The following KCNC4 variants were observed in gnomAD, a reference collection of about 807,000 sequenced individuals.
The protein encoded by KCNC4 is voltage-gated potassium channel KCNC4.
A neutral mutation model predicts 42.8 loss-of-function variants in KCNC4; 23 were observed. The ratio of observed to expected loss-of-function variants is 0.54; its 90% confidence interval spans 0.39 to 0.76. The LOEUF is 0.76. KCNC4 is among the 30% of genes least tolerant of loss of function. The pLI is 0.00. For synonymous variants in KCNC4, 422 were observed against 393.5 expected, an observed-to-expected ratio of 1.07 and a Z score of -0.86; for missense variants, 751 against 898.2, an observed-to-expected ratio of 0.84 and a Z score of 2.10.
exon 4 of KCNC4, chr1:110,245,404 T>G (rs1326374762): frequency 6.6e-6 from 1 of 152,244 alleles, no homozygotes; most frequent in Non-Finnish European, 1.5e-5. Flanking sequence ...TGGGCTTCAG[T>G]ATTCTCTGCT....
chr1:110,264,355 G>A (rs1304801219), intron 1 of KCNC4, among the ~76,000 whole-genome samples: 2 of 152,134 alleles, frequency 1.3e-5, no homozygotes, highest in Non-Finnish European at 2.9e-5. Context: ...GATTGGTTAA[G>A]GAGGCTTTGT....
At chr1:110,228,804 G>C (rs1199107619) in intron 3 of KCNC4, 1 of 152,732 alleles carries the variant, frequency 6.5e-6, no homozygotes, top group Admixed American at 6.5e-5. Context: ...GCAGGGGGGA[G>C]CAGTCAGGAC....
exon 4 of KCNC4, chr1:110,248,578 T>A (rs958187557): frequency 6.6e-6 from 1 of 152,254 alleles, no homozygotes; most frequent in African/African-American, 2.4e-5. Context: ...GGCGTGCCTT[T>A]TAAATCCCAG....
At chr1:110,240,490 T>A (rs1297320324) in exon 4 of KCNC4, 3 of 152,326 alleles carry the variant, frequency 2.0e-5, no homozygotes, top group African/African-American at 7.2e-5. Context: ...AGTGATCAAA[T>A]GTTCATAGCA....
rs543899505 is a variant in KCNC4, at chr1:110,210,793, C to T, written c.-707C>T. Among the ~76,000 whole-genome samples the T allele has an allele frequency of 6.6e-6, 1 of 151,904 alleles. No homozygotes were observed. Among genetic ancestry groups the T allele is most frequent in the African/African-American group, 2.4e-5 (1 of 41,400 alleles). On this transcript the variant is annotated 5_prime_UTR_variant, in exon 1 of 4. The change creates a premature stop within an existing upstream ORF in the 5' untranslated region. Transcript: ENST00000438661. ...CGCTCCTGCGGGCGCGCTTGTTTTC[C>T]AGCTGCCGCCTCGCCCTGCGCAGCC...
At chr1:110,220,452 T>C (rs1366293176) in intron 1 of KCNC4, 4 of 149,974 alleles carry the variant, frequency 2.7e-5, no homozygotes, top group Non-Finnish European at 5.9e-5. Flanking sequence ...TATGAGAGGA[T>C]GGCCGGGGCC....
At position 110,223,956 on chromosome 1, in the gene KCNC4, T is replaced by G. The variant is rs1250295075; in HGVS notation, c.1615+56T>G. ...TTTTCCCCCAGTGGCCTAGGGAGTT[T>G]CCAAATGGACCTCAGACCTTGGGAT... On this transcript the variant is annotated intron_variant, in intron 2 of 3. Transcript: ENST00000438661. This position sits in a 1 kb window ranked among gnomAD's most constrained non-coding sequence, Gnocchi z 7.5. The G allele has an allele frequency of 1.5e-6, 2 of 1,348,710 alleles. No individual in the cohort carries two copies. The highest frequency in any genetic ancestry group is 2.0e-6 in the Non-Finnish European group (2 of 979,430). The allele number at this position is 1,348,710 out of a possible 1,614,324, so 83.5% of individuals were successfully genotyped here. A position where few individuals can be genotyped will look rare whatever the true frequency, so the allele number is the denominator to read the frequency against.
At chr1:110,247,899 C>A (rs1453036329) in exon 4 of KCNC4, 1 of 152,188 alleles carries the variant, frequency 6.6e-6, no homozygotes, top group African/African-American at 2.4e-5. Context: ...GAATGTTTCG[C>A]CCCTTAGCCA....
chr1:110,279,529 T>C (rs1659785715), intron 1 of KCNC4, among the ~76,000 whole-genome samples: 1 of 152,178 alleles, frequency 6.6e-6, no homozygotes, highest in South Asian at 2.1e-4. Context: ...AAAATTGGAA[T>C]GGACTCCAAT....
At chr1:110,255,584 A>G (rs1468424690) in intron 1 of KCNC4, among the ~76,000 whole-genome samples, 1 of 152,204 alleles carries the variant, frequency 6.6e-6, no homozygotes, top group Non-Finnish European at 1.5e-5. Context: ...GCAAATCAGT[A>G]TTCTGCTACT....
chr1:110,278,315 CA>C (rs1225199036), intron 1 of KCNC4, among the ~76,000 whole-genome samples: 2 of 152,236 alleles, frequency 1.3e-5, no homozygotes, highest in East Asian at 1.9e-4. Context: ...TGATATGAGT[CA>C]ATGGTTTTGA....
In KCNC4 at chr1:110,211,168, G is replaced by C. The variant is rs929264350; in HGVS notation, c.-332G>C. ...GTCTTTGGTCGGGGTGAAGGCGGGG[G>C]CGTGTCCCCGGCCCAGAGCGTTTGT... On this transcript the variant is annotated 5_prime_UTR_variant, in exon 1 of 4. Transcript: ENST00000438661. This position sits in a 1 kb window ranked among gnomAD's most constrained non-coding sequence, Gnocchi z 6.5. Among the ~76,000 whole-genome samples the C allele has an allele frequency of 3.3e-5, 5 of 152,240 alleles. No individual in the cohort carries two copies. Among genetic ancestry groups the C allele is most frequent in the Admixed American group, 6.5e-5 (1 of 15,294 alleles).
intron 1 of KCNC4, among the ~76,000 whole-genome samples, chr1:110,282,123 CT>C (rs1659839191): frequency 6.6e-6 from 1 of 152,242 alleles, no homozygotes; most frequent in East Asian, 1.9e-4. Context: ...CATTCTCATA[CT>C]CAGTGCCACT....
downstream of KCNC4, among the ~76,000 whole-genome samples, chr1:110,250,682 G>T (rs1400351278): frequency 6.6e-6 from 1 of 152,132 alleles, no homozygotes; most frequent in Non-Finnish European, 1.5e-5. Context: ...TATTCACTCA[G>T]TCATCCTACA....
At chr1:110,237,529 ATGTT>A (rs1202635360), downstream of KCNC4, 1 of 152,188 alleles carries the variant, frequency 6.6e-6, no homozygotes, top group Non-Finnish European at 1.5e-5. Flanking sequence ...TTCCCTGAAA[ATGTT>A]TGGAGACACA....
rs996921201 is a variant in KCNC4, at chr1:110,232,767, G to A, written c.1820-144G>A. On this transcript the variant is annotated intron_variant, in intron 3 of 3. Coordinates refer to ENST00000438661, the MANE Select transcript of KCNC4 (RefSeq NM_001039574.3). ...TCTACTCCTTAGCCCACACCCTGTGGGTCAGCAGCTGGCTTCCTTCTAACG... is the reference window on the plus strand; with the variant it reads ...TCTACTCCTTAGCCCACACCCTGTGAGTCAGCAGCTGGCTTCCTTCTAACG... 27 of 1,537,234 alleles carry A rather than the reference G, an allele frequency of 1.8e-5. No individual in the cohort carries two copies. The African/African-American group carries it at 3.7e-4, about 21-fold the overall frequency.
chr1:110,276,784 C>G (rs1659734511), intron 1 of KCNC4, among the ~76,000 whole-genome samples: 1 of 152,112 alleles, frequency 6.6e-6, no homozygotes, highest in Non-Finnish European at 1.5e-5. Flanking sequence ...TAGAACAGCC[C>G]CAGGAGCTTA....
rs758272968 is a variant in KCNC4 at position 110,212,020 on chromosome 1, G to C, written c.521G>C (p.Ser174Thr). ...PDGGGSGAGP[S>T]DEAGDDEREL... Reference sequence around the variant, plus strand: ...GGAGGCGGCAGCGGCGCGGGGCCCAGCGACGAGGCCGGCGACGATGAGCGG... The same window carrying C: ...GGAGGCGGCAGCGGCGCGGGGCCCACCGACGAGGCCGGCGACGATGAGCGG... Residue 174 changes from serine to threonine, a missense_variant, in exon 1 of 4, where the codon AGC (serine) becomes ACC (threonine). This residue lies in a region of KCNC4 where 181 missense variants were observed against 167.3 expected (regional missense o/e 1.08). Coordinates refer to ENST00000438661, the MANE Select transcript of KCNC4 (RefSeq NM_001039574.3). The C allele has an allele frequency of 1.3e-6, 2 of 1,599,080 alleles. No individual in the cohort carries two copies. Among genetic ancestry groups the C allele is most frequent in the African/African-American group, 2.7e-5 (2 of 74,458 alleles).
exon 4 of KCNC4, chr1:110,240,869 T>G (rs1185747778): frequency 2.6e-5 from 4 of 152,654 alleles, no homozygotes; most frequent in Non-Finnish European, 5.8e-5. Flanking sequence ...GCAGCCACAG[T>G]ACCAGGGAAC....
Sources: allele counts gnomAD v4.1 joint callset (sites outside exome capture counted in the v4.1 genomes callset), GRCh38; gene constraint gnomAD v4.1.1; regional missense constraint gnomAD v4.1.1; non-coding constraint Gnocchi (gnomAD v3.1); transcripts MANE v1.5; gene names NCBI Gene and HGNC (gene_info 2026-07-23, HGNC 2026-07-21).